Variants in RAD51 observed in about 807,000 individuals in gnomAD.
RAD51 encodes RAD51 recombinase, also known as DNA repair protein RAD51 homolog 1.
A neutral mutation model predicts 41.5 loss-of-function variants in RAD51; 14 were observed. The observed-to-expected ratio is 0.34, with a 90% CI of 0.22 to 0.53. RAD51 has a LOEUF of 0.53. Ranked by LOEUF, RAD51 falls within the 20% of genes least tolerant of loss-of-function variation. RAD51 has a pLI of 0.95. For missense variants in RAD51, 234 were observed against 422.0 expected (o/e 0.55, Z 3.90); for synonymous variants, 136 against 148.6 (o/e 0.92, Z 0.62).
intron 1 of RAD51, among the ~76,000 whole-genome samples, chr15:40,696,955 A>G (rs548717253): frequency 1.1e-4 from 16 of 151,956 alleles, no homozygotes; most frequent in African/African-American, 3.9e-4. Flanking sequence ...TTTCTTACTG[A>G]TGTGAAGTTC....
At chr15:40,723,372 C>T (rs917503509) in intron 6 of RAD51, among the ~76,000 whole-genome samples, 3 of 152,098 alleles carry the variant, frequency 2.0e-5, no homozygotes, top group Non-Finnish European at 4.4e-5. Context: ...AAAAACATGT[C>T]TATACAAAGA....
intron 6 of RAD51, among the ~76,000 whole-genome samples, chr15:40,721,245 A>G (rs752216895): frequency 3.3e-5 from 5 of 152,238 alleles, no homozygotes; most frequent in Non-Finnish European, 5.9e-5. Flanking sequence ...TCAAAATTCC[A>G]GCAAGCTTTT....
intron 6 of RAD51, among the ~76,000 whole-genome samples, chr15:40,722,981 A>C (rs993115177): frequency 1.3e-5 from 2 of 152,242 alleles, no homozygotes; most frequent in East Asian, 1.9e-4. Context: ...AGTATCTAGA[A>C]TATATAAAGA....
At chr15:40,701,258 T>C in intron 3 of RAD51, 57 bp downstream of exon 3, 1 of 1,582,410 alleles carries the variant, frequency 6.3e-7, no homozygotes, top group Non-Finnish European at 8.7e-7. Context: ...CAAAAGGGAA[T>C]GTAGTGAAAG....
chr15:40,708,317 C>T (rs999364711), intron 4 of RAD51, among the ~76,000 whole-genome samples: 24 of 150,936 alleles, frequency 1.6e-4, no homozygotes, highest in African/African-American at 5.9e-4. Context: ...CAGCCTCCGC[C>T]TCCCAGGTTC....
At chr15:40,719,008 G>A in intron 6 of RAD51, 109 bp downstream of exon 6, 1 of 966,428 alleles carries the variant, frequency 1.0e-6, no homozygotes, top group Non-Finnish European at 1.6e-6. Flanking sequence ...ACGTCCCAAA[G>A]TTGTATGTGT....
chr15:40,723,499 G>T (rs552662501), intron 6 of RAD51, among the ~76,000 whole-genome samples: 1 of 152,162 alleles, frequency 6.6e-6, no homozygotes, highest in African/African-American at 2.4e-5. Context: ...CAATAAAAAA[G>T]AACTTAAGTA....
In RAD51 at chr15:40,706,181, A is replaced by T; in HGVS notation, c.230A>T (p.Glu77Val). The change falls in exon 4 of 10, where the codon GAG becomes GTG. Residue 77 changes from glutamate (E) to valine (V), a missense_variant. Physicochemically the swap from Glu to Val is moderately radical, Grantham distance 121 (BLOSUM62 -2). This residue lies in a region of RAD51 where 100 missense variants were observed against 135.5 expected (regional missense o/e 0.74). Coordinates refer to ENST00000267868, the MANE Select transcript of RAD51 (RefSeq NM_002875.5). Reference sequence around the variant, plus strand: ...AATATTTCTTATTTTTCCCAGGCTGAGGCAGCTAAATTAGTTCCAATGGGT... The same window carrying T: ...AATATTTCTTATTTTTCCCAGGCTGTGGCAGCTAAATTAGTTCCAATGGGT... ...SEAKADKILA[E>V]AAKLVPMGFT... is the part of the protein sequence containing the mutation. 1 of 1,612,338 alleles carries T rather than the reference A, an allele frequency of 6.2e-7. No individual in the cohort carries two copies. Among genetic ancestry groups the T allele is most frequent in the Non-Finnish European group, 8.5e-7 (1 of 1,178,402 alleles).
At chr15:40,728,682 G>A (rs2141880009) in intron 6 of RAD51, 29 bp from the exon 7 acceptor site, 2 of 1,580,442 alleles carry the variant, frequency 1.3e-6, no homozygotes, top group Middle Eastern at 1.7e-4. Flanking sequence ...TCTGTGTGCA[G>A]CCTAAAAATG....
rs117697188 is a variant in RAD51 at position 40,720,902 on chromosome 15, C to T, written c.530+2003C>T. Among the ~76,000 whole-genome samples, 221 of 152,340 alleles carry T rather than the reference C, an allele frequency of 1.5e-3. 2 individuals are homozygous for T. The East Asian group carries it at 0.026, about 18-fold the overall frequency. On this transcript the variant is annotated intron_variant, in intron 6 of 9. Coordinates refer to ENST00000267868, the MANE Select transcript of RAD51 (RefSeq NM_002875.5). ...AAGATTACTAAAATGGCATTCTTGG[C>T]CAGGTACTGTGGTGCACACCTGTAA...
In RAD51 at chr15:40,709,048, A is replaced by G; in HGVS notation, c.367A>G (p.Thr123Ala). The change falls in exon 5 of 10, where the codon ACA becomes GCA. Residue 123 changes from threonine (T) to alanine (A), a missense_variant. This residue lies in a region of RAD51 where 134 missense variants were observed against 286.5 expected (regional missense o/e 0.47). Coordinates refer to ENST00000267868, the MANE Select transcript of RAD51 (RefSeq NM_002875.5). ...LQGGIETGSI[T>A]EMFGEFRTGK... ...AGGTGGAATTGAGACTGGATCTATC[A>G]CAGAAATGTTTGGAGAATTCCGAAC... The G allele has an allele frequency of 6.2e-7, 1 of 1,614,060 alleles. No homozygotes were observed. Among genetic ancestry groups the G allele is most frequent in the Non-Finnish European group, 8.5e-7 (1 of 1,179,930 alleles).
At chr15:40,712,822 A>G (rs1895769478) in intron 5 of RAD51, among the ~76,000 whole-genome samples, 1 of 146,262 alleles carries the variant, frequency 6.8e-6, no homozygotes, top group Admixed American at 6.8e-5. Context: ...GAGGCTTCCT[A>G]GTGTTTTTCT....
chr15:40,708,825 A>G (rs1014245603), intron 4 of RAD51, among the ~76,000 whole-genome samples, 200 bp from the exon 5 acceptor site: 1 of 151,300 alleles, frequency 6.6e-6, no homozygotes, highest in Non-Finnish European at 1.5e-5. Flanking sequence ...CCACCCACCT[A>G]AGCTTCCTAA....
chr15:40,709,137 C>T (rs1196626968), intron 5 of RAD51, 21 bp downstream of exon 5: 1 of 1,579,506 alleles, frequency 6.3e-7, no homozygotes, highest in South Asian at 1.1e-5. Context: ...GGGGCTATAG[C>T]TAATCAAATA....
rs1896894775 is a variant in RAD51, at chr15:40,731,930, C to G, written c.*752C>G. On this transcript the variant is annotated 3_prime_UTR_variant, in exon 10 of 10. Coordinates refer to ENST00000267868, the MANE Select transcript of RAD51 (RefSeq NM_002875.5). ...TCCCATCTCTACAAAAAATGCAGAACTTAATCTGGACACACTGTTACACGT... is the reference window on the plus strand; with the variant it reads ...TCCCATCTCTACAAAAAATGCAGAAGTTAATCTGGACACACTGTTACACGT... The G allele has an allele frequency of 9.6e-6, 2 of 209,170 alleles. No homozygotes were observed. The highest frequency in any genetic ancestry group is 5.9e-5 in the Admixed American group (1 of 16,906). 13.0% of individuals were successfully genotyped at this position (209,170 alleles called of 1,614,324 possible). A position where few individuals can be genotyped will look rare whatever the true frequency, so the allele number is the denominator to read the frequency against.
chr15:40,724,613 C>T (rs1296223879), intron 6 of RAD51, among the ~76,000 whole-genome samples: 1 of 151,782 alleles, frequency 6.6e-6, no homozygotes, highest in Non-Finnish European at 1.5e-5. Context: ...AGCAGTCCCC[C>T]CTCCTCAGTG....
intron 9 of RAD51, among the ~76,000 whole-genome samples, chr15:40,730,733 A>AG (rs1227751429): frequency 6.6e-6 from 1 of 151,742 alleles, no homozygotes; most frequent in Non-Finnish European, 1.5e-5. Flanking sequence ...AGTGTTAGCC[A>AG]GGATGGTCTC....
At position 40,706,189 on chromosome 15, in the gene RAD51, A is replaced by G. The variant is rs1312157762; in HGVS notation, c.238A>G (p.Lys80Glu). ...TTATTTTTCCCAGGCTGAGGCAGCT[A>G]AATTAGTTCCAATGGGTTTCACCAC... ...KADKILAEAA[K>E]LVPMGFTTAT... is the part of the protein sequence containing the mutation. Residue 80 changes from lysine (K) to glutamate (E), a missense_variant, in exon 4 of 10, where the codon AAA becomes GAA. By Grantham distance (56) the Lys-to-Glu change is moderately conservative. Around this residue, in one of 2 missense-constraint regions of RAD51, gnomAD observed 100 missense variants for 135.5 expected, o/e 0.74. Coordinates refer to ENST00000267868, the MANE Select transcript of RAD51 (RefSeq NM_002875.5). 1.2e-6 allele frequency: 2 copies of G among 1,613,590 alleles called. No individual in the cohort carries two copies. The highest frequency in any genetic ancestry group is 1.7e-6 in the Non-Finnish European group (2 of 1,179,642).
At chr15:40,703,014 A>G (rs1051769608) in intron 3 of RAD51, among the ~76,000 whole-genome samples, 1 of 152,092 alleles carries the variant, frequency 6.6e-6, no homozygotes. Flanking sequence ...CTTTGCTAAT[A>G]CATTCTCCTG....
Sources: allele counts gnomAD v4.1 joint callset (sites outside exome capture counted in the v4.1 genomes callset), GRCh38; gene constraint gnomAD v4.1.1; regional missense constraint gnomAD v4.1.1; transcripts MANE v1.5; gene names NCBI Gene and HGNC (gene_info 2026-07-23, HGNC 2026-07-21).